PREX1: variants seen among roughly 807,000 people sequenced by gnomAD.
PREX1 encodes the protein phosphatidylinositol 3,4,5-trisphosphate-dependent Rac exchanger 1 protein.
Under a neutral mutation model 198.3 loss-of-function variants are expected in PREX1, and 41 were observed. The observed-to-expected ratio is 0.21, with a 90% CI of 0.16 to 0.27. The LOEUF (loss-of-function observed/expected upper bound fraction) is 0.27. PREX1 is among the 10% of genes least tolerant of loss of function. PREX1 has a pLI of 1.00. For missense variants in PREX1, 1,620 were observed against 2,200.7 expected, an observed-to-expected ratio of 0.74 and a Z score of 5.28; for synonymous variants, 843 against 887.2, an observed-to-expected ratio of 0.95 and a Z score of 0.89.
At chr20:48,887,208 C>T in the PREX1 span, among the ~76,000 whole-genome samples, 1 of 152,188 alleles carries the variant, frequency 6.6e-6, no homozygotes, top group African/African-American at 2.4e-5. Flanking sequence ...TACCTCCGTG[C>T]CTCAGTTTCC....
chr20:48,717,857 T>G (rs1004156004), intron 5 of PREX1, among the ~76,000 whole-genome samples: 15 of 152,196 alleles, frequency 9.9e-5, no homozygotes, highest in African/African-American at 3.6e-4. Flanking sequence ...TGTGTGACCT[T>G]GGACAAGTTG....
the PREX1 span, among the ~76,000 whole-genome samples, chr20:48,864,822 T>C: frequency 6.6e-6 from 1 of 152,184 alleles, no homozygotes; most frequent in Non-Finnish European, 1.5e-5. Context: ...TTAGCTGTGG[T>C]CCCTGTGGAC....
intron 3 of PREX1, among the ~76,000 whole-genome samples, chr20:48,741,459 A>C (rs1405818092): frequency 6.6e-6 from 1 of 152,130 alleles, no homozygotes; most frequent in Non-Finnish European, 1.5e-5. Context: ...TCTTGGGCTC[A>C]AGCAATCCTC....
At position 48,651,410 on chromosome 20, in the gene PREX1, C is replaced by T. The variant is rs111932525; in HGVS notation, c.2641G>A (p.Gly881Ser). Residue 881 changes from glycine (G) to serine (S), a missense_variant, in exon 22 of 40, where the codon GGC (glycine) becomes AGC (serine). Transcript: ENST00000371941. ...EKIVEPRGCFGLTAKILEAFA... is the reference protein window; with the variant it reads ...EKIVEPRGCFSLTAKILEAFA... ...CCCAAGGAGACCTTGGCGGTGAGGC[C>T]GAAGCAGCCGCGGGGCTCCACGATC... 2.8e-5 allele frequency: 45 copies of T among 1,606,552 alleles called. No individual in the cohort carries two copies. The African/African-American group carries it at 3.7e-4, about 13-fold the overall frequency.
rs2089421804 is a variant in PREX1 at position 48,642,434 on chromosome 20, A to G, written c.3657T>C (p.His1219=). Residue 1219 remains histidine, a synonymous_variant, in exon 28 of 40, where the codon CAT becomes CAC. Coordinates refer to ENST00000371941, the MANE Select transcript of PREX1 (RefSeq NM_020820.4). ...RIPSDKQDKL[H]GCLEHLFNQV... is the part of the protein sequence containing the mutation. ...GGTTAAAGAGGTGCTCCAGGCAGCCATGAAGCTTGTCCTGCTTGTCAGATG... is the reference window on the plus strand; with the variant it reads ...GGTTAAAGAGGTGCTCCAGGCAGCCGTGAAGCTTGTCCTGCTTGTCAGATG... The G allele has an allele frequency of 6.2e-7, 1 of 1,613,636 alleles. No individual in the cohort carries two copies. The highest frequency in any genetic ancestry group is 8.5e-7 in the Non-Finnish European group (1 of 1,179,622).
At chr20:48,873,535 C>T in the PREX1 span, among the ~76,000 whole-genome samples, 1 of 144,498 alleles carries the variant, frequency 6.9e-6, no homozygotes, top group Non-Finnish European at 1.5e-5. Flanking sequence ...ATGGTGAAAC[C>T]CAGTCTCTAG....
At chr20:48,670,164 G>A (rs576101941) in intron 14 of PREX1, among the ~76,000 whole-genome samples, 1 of 152,192 alleles carries the variant, frequency 6.6e-6, no homozygotes, top group African/African-American at 2.4e-5. Context: ...ATGGAGAGGG[G>A]AAGTGAGGCT....
In PREX1 at chr20:48,630,708, A is replaced by G; in HGVS notation, c.4593+20T>C. 1.3e-6 allele frequency: 2 copies of G among 1,561,796 alleles called. No individual in the cohort carries two copies. The highest frequency in any genetic ancestry group is 1.8e-6 in the Non-Finnish European group (2 of 1,132,848). ...CCACCCTGCCCAAGCTCCCTGCAGC[A>G]GGAGGGCACGTGGACATACCTGGTC... On this transcript the variant is annotated intron_variant, in intron 36 of 39. Transcript: ENST00000371941.
intron 38 of PREX1, 70 bp from the exon 39 acceptor site, chr20:48,627,685 G>A (rs988072080): frequency 3.3e-6 from 5 of 1,510,750 alleles, no homozygotes; most frequent in African/African-American, 2.8e-5. Context: ...ACTGGGGGGT[G>A]GGGGTGGGGC....
At chr20:48,634,030 G>A (rs999722081) in intron 33 of PREX1, among the ~76,000 whole-genome samples, 1 of 141,292 alleles carries the variant, frequency 7.1e-6, no homozygotes, top group Non-Finnish European at 1.5e-5. Flanking sequence ...TGGATGGATC[G>A]ATGGATGAAT....
chr20:48,664,013 G>A (rs2089616221), intron 15 of PREX1, among the ~76,000 whole-genome samples: 1 of 152,214 alleles, frequency 6.6e-6, no homozygotes, highest in African/African-American at 2.4e-5. Flanking sequence ...CACACGTGAT[G>A]TCAGAATGAA....
At chr20:48,665,067 G>A (rs1185907330) in intron 15 of PREX1, among the ~76,000 whole-genome samples, 6 of 136,076 alleles carry the variant, frequency 4.4e-5, no homozygotes, top group Non-Finnish European at 6.2e-5. Context: ...TTCTAATCCC[G>A]ACTCCAGACG....
intron 25 of PREX1, among the ~76,000 whole-genome samples, chr20:48,648,164 C>T (rs1451820051): frequency 6.6e-6 from 1 of 152,192 alleles, no homozygotes; most frequent in African/African-American, 2.4e-5. Context: ...AACTCAGCCT[C>T]CCAAAGTGCT....
chr20:48,717,872 C>T (rs1017281244), intron 5 of PREX1, among the ~76,000 whole-genome samples: 2 of 152,178 alleles, frequency 1.3e-5, no homozygotes, highest in Non-Finnish European at 2.9e-5. Context: ...AAGTTGCCTC[C>T]CCTTTCTGTG....
intron 10 of PREX1, among the ~76,000 whole-genome samples, chr20:48,682,121 T>C (rs888658625): frequency 6.6e-6 from 1 of 152,072 alleles, no homozygotes. Flanking sequence ...CTCTCATTAG[T>C]TATGCCTAAG....
rs1279955605 is a variant in PREX1 at position 48,666,223 on chromosome 20, C to T, written c.1738+60G>A. 2.7e-5 allele frequency: 41 copies of T among 1,492,650 alleles called. No homozygotes were observed. In the Admixed American group the frequency reaches 8.1e-4, roughly 29 times the overall value. 92.5% of individuals were successfully genotyped at this position (1,492,650 alleles called of 1,614,324 possible). On this transcript the variant is annotated intron_variant, in intron 15 of 39. Transcript: ENST00000371941. This position sits in a 1 kb window ranked among gnomAD's most constrained non-coding sequence, Gnocchi z 4.3. Reference sequence around the variant, plus strand: ...TGGCTTCAGTCCTCCCATACTCCCCCAAACCATCAGCTCCAGGGAGCAAGG... The same window carrying T: ...TGGCTTCAGTCCTCCCATACTCCCCTAAACCATCAGCTCCAGGGAGCAAGG...
chr20:48,778,467 G>A (rs573084444), intron 1 of PREX1, among the ~76,000 whole-genome samples: 10 of 151,916 alleles, frequency 6.6e-5, no homozygotes, highest in Admixed American at 1.3e-4. Context: ...GCACACGCCT[G>A]TAATCCTAGC....
intron 14 of PREX1, among the ~76,000 whole-genome samples, chr20:48,668,612 GGCA>G: frequency 6.6e-6 from 1 of 152,338 alleles, no homozygotes; most frequent in Middle Eastern, 3.4e-3. Flanking sequence ...GCTATTCAGA[GGCA>G]GCAGGACTCA....
intron 9 of PREX1, among the ~76,000 whole-genome samples, chr20:48,689,426 T>C (rs370534065): frequency 1.8e-4 from 27 of 152,346 alleles, no homozygotes; most frequent in African/African-American, 6.3e-4. Context: ...AGTTCGGTTC[T>C]CTGCCCAAGG....
Sources: gnomAD v4.1 joint callset for allele counts (sites outside exome capture counted in the v4.1 genomes callset) on GRCh38, gnomAD v4.1.1 for gene constraint, Gnocchi (gnomAD v3.1) non-coding constraint, MANE v1.5 for transcripts, NCBI Gene and HGNC (gene_info 2026-07-23, HGNC 2026-07-21) for gene names.